The following CCDC88C variants were observed in gnomAD, a reference collection of about 807,000 sequenced individuals.
The protein encoded by CCDC88C is protein Daple.
Under a neutral mutation model 198.8 loss-of-function variants are expected in CCDC88C, and 131 were observed. The observed-to-expected ratio is 0.66, with a 90% CI of 0.57 to 0.76. The LOEUF (loss-of-function observed/expected upper bound fraction) is 0.76. Among genes scored for constraint, CCDC88C ranks in the 30% least tolerant of loss-of-function variants. The pLI is 0.00. For synonymous variants in CCDC88C, 1,166 were observed against 1,114.7 expected, an observed-to-expected ratio of 1.05 and a Z score of -0.92; for missense variants, 2,553 against 2,631.6, an observed-to-expected ratio of 0.97 and a Z score of 0.65.
At chr14:91,401,315 A>AATGTATATAC (rs1886186557) in intron 3 of CCDC88C, among the ~76,000 whole-genome samples, 3 of 101,638 alleles carry the variant, frequency 3.0e-5, no homozygotes, top group African/African-American at 1.0e-4. Context: ...GTATATATTT[A>AATGTATATAC]TTATATATTA....
intron 10 of CCDC88C, 46 bp from the exon 11 acceptor site, chr14:91,326,102 G>C: frequency 6.4e-7 from 1 of 1,561,964 alleles, no homozygotes. Flanking sequence ...AAAGGCACCT[G>C]GGTCATTAGG....
In CCDC88C at chr14:91,381,348, C is replaced by T. The variant is rs943949694; in HGVS notation, c.271-21637G>A. On this transcript the variant is annotated intron_variant, in intron 3 of 29. Transcript: ENST00000389857. The surrounding 1 kb of genome is among the most constrained non-coding windows in gnomAD (Gnocchi z 4.2). ...GGGACACAGATGTGACCAACCAGCC[C>T]GCAAACTTGGGGAGGAATTTTTTGG... Among the ~76,000 whole-genome samples the T allele has an allele frequency of 7.2e-5, 11 of 152,326 alleles. No homozygotes were observed. The highest frequency in any genetic ancestry group is 1.2e-4 in the African/African-American group (5 of 41,568).
chr14:91,343,788 C>T lies in CCDC88C; in HGVS notation c.341-131G>A, dbSNP rs1286305968. On this transcript the variant is annotated intron_variant, in intron 4 of 29. Transcript: ENST00000389857. ...TCTGTGACATTCACTTAGGTATACACACTCCATCGATCTTCCATGTGTGGC... is the reference window on the plus strand; with the variant it reads ...TCTGTGACATTCACTTAGGTATACATACTCCATCGATCTTCCATGTGTGGC... The T allele has an allele frequency of 1.1e-5, 11 of 1,009,942 alleles. No individual in the cohort carries two copies. In the Admixed American group the frequency reaches 1.4e-4, roughly 13 times the overall value. The allele number at this position is 1,009,942 out of a possible 1,614,324, so 62.6% of individuals were successfully genotyped here.
In CCDC88C at chr14:91,393,853, C is replaced by CA. The variant is rs200397529; in HGVS notation, c.270+14805dup. On this transcript the variant is annotated intron_variant, in intron 3 of 29. Transcript: ENST00000389857. ...TGGGCGACAGAGCGAGACTCCGTCTCAAAAAAAAGAAATCAACTTCATGAG... is the reference window on the plus strand; with the variant it reads ...TGGGCGACAGAGCGAGACTCCGTCTCAAAAAAAAAGAAATCAACTTCATGAG... Among the ~76,000 whole-genome samples the CA allele has an allele frequency of 1.4e-3, 212 of 151,978 alleles. 4 individuals carry two copies. The East Asian group carries it at 0.037, about 26-fold the overall frequency.
At chr14:91,345,184 A>ATTTTTTTTT (rs1458769741) in intron 4 of CCDC88C, among the ~76,000 whole-genome samples, 1 of 67,572 alleles carries the variant, frequency 1.5e-5, no homozygotes, top group African/African-American at 5.5e-5. Flanking sequence ...ATATATATAT[A>ATTTTTTTTT]TATATATTTT....
At chr14:91,330,820 C>G (rs1312961782) in intron 10 of CCDC88C, among the ~76,000 whole-genome samples, 1 of 152,048 alleles carries the variant, frequency 6.6e-6, no homozygotes, top group Non-Finnish European at 1.5e-5. Context: ...AGAGCCTCAG[C>G]CAAGGATTAA....
At position 91,352,977 on chromosome 14, in the gene CCDC88C, C is replaced by T. The variant is rs1392915431; in HGVS notation, c.340+6665G>A. On this transcript the variant is annotated intron_variant, in intron 4 of 29. Transcript: ENST00000389857. The surrounding 1 kb of genome is among the most constrained non-coding windows in gnomAD (Gnocchi z 4.2). ...GCACACCCAGCCCTCACAAGTTCCCCGGGGCCCCCGAAGGAAGGCAGGGCT... is the reference window on the plus strand; with the variant it reads ...GCACACCCAGCCCTCACAAGTTCCCTGGGGCCCCCGAAGGAAGGCAGGGCT... Among the ~76,000 whole-genome samples the T allele has an allele frequency of 1.3e-5, 2 of 152,326 alleles. No individual in the cohort carries two copies. The highest frequency in any genetic ancestry group is 1.9e-4 in the East Asian group (1 of 5,184).
intron 22 of CCDC88C, among the ~76,000 whole-genome samples, chr14:91,295,338 C>CAAG (rs1340801971): frequency 6.6e-6 from 1 of 152,208 alleles, no homozygotes; most frequent in Non-Finnish European, 1.5e-5. Flanking sequence ...ATTGCTTGGG[C>CAAG]AAGAATTAAA....
At chr14:91,405,384 C>CA (rs771299039) in intron 3 of CCDC88C, among the ~76,000 whole-genome samples, 2 of 152,184 alleles carry the variant, frequency 1.3e-5, no homozygotes, top group Non-Finnish European at 2.9e-5. Flanking sequence ...CGCAGCACCC[C>CA]AGTCAGAGTA....
chr14:91,367,323 C>A (rs2402020), intron 3 of CCDC88C, among the ~76,000 whole-genome samples: 4,964 of 152,222 alleles, frequency 0.033, 307 homozygotes, highest in African/African-American at 0.11. Flanking sequence ...CCAAGATGGT[C>A]CAAACAGCAA....
At chr14:91,374,360 G>A (rs879879189) in intron 3 of CCDC88C, among the ~76,000 whole-genome samples, 1 of 152,196 alleles carries the variant, frequency 6.6e-6, no homozygotes, top group Non-Finnish European at 1.5e-5. Flanking sequence ...TGATCAATAG[G>A]TATTTTTCAT....
intron 3 of CCDC88C, among the ~76,000 whole-genome samples, chr14:91,399,391 G>C (rs1454365695): frequency 6.6e-6 from 1 of 152,106 alleles, no homozygotes; most frequent in Non-Finnish European, 1.5e-5. Flanking sequence ...CCCACATCTG[G>C]GCTGGATCCC....
chr14:91,278,019 G>A lies in CCDC88C; in HGVS notation c.4961C>T (p.Pro1654Leu). ...CGAGCAGGGCCGCACTCCGACGTAG[G>A]GAGGGGCTGTGCCCCTCTTCTGGGC... is the stretch of plus-strand genomic sequence containing the variant. Reference protein sequence around the residue: ...EGAQKRGTAPPYVGVRPCSAS... With the variant: ...EGAQKRGTAPLYVGVRPCSAS... Residue 1654 changes from proline to leucine, a missense_variant, in exon 29 of 30, where the codon CCC becomes CTC. Transcript: ENST00000389857. The A allele has an allele frequency of 1.3e-6, 2 of 1,599,526 alleles. No homozygotes were observed. Among genetic ancestry groups the A allele is most frequent in the Non-Finnish European group, 1.7e-6 (2 of 1,172,972 alleles).
At chr14:91,309,811 A>C (rs1891735244) in intron 16 of CCDC88C, 48 bp downstream of exon 16, 1 of 1,573,896 alleles carries the variant, frequency 6.4e-7, no homozygotes, top group Non-Finnish European at 8.7e-7. Context: ...CAGACTGAAC[A>C]GTGGAGGAAG....
chr14:91,275,081 T>C (rs1889897382), intron 29 of CCDC88C, among the ~76,000 whole-genome samples: 1 of 152,140 alleles, frequency 6.6e-6, no homozygotes, highest in African/African-American at 2.4e-5. Context: ...AGCCCCTGTG[T>C]ACATTAGGGG....
At chr14:91,321,379 G>T in intron 12 of CCDC88C, 75 bp from the exon 13 acceptor site, 1 of 1,461,788 alleles carries the variant, frequency 6.8e-7, no homozygotes, top group South Asian at 1.2e-5. Flanking sequence ...GCTCCGAGAT[G>T]GTCATCAGTC....
chr14:91,403,182 G>A (rs1270974053), intron 3 of CCDC88C, among the ~76,000 whole-genome samples: 1 of 152,182 alleles, frequency 6.6e-6, no homozygotes, highest in Non-Finnish European at 1.5e-5. Context: ...AGAGGCGCAT[G>A]AAGAAACAGC....
intron 4 of CCDC88C, among the ~76,000 whole-genome samples, chr14:91,353,781 G>A (rs934677399): frequency 1.4e-4 from 22 of 152,218 alleles, no homozygotes; most frequent in African/African-American, 5.1e-4. Flanking sequence ...ATAGGACAGA[G>A]GGCCAGGCCG....
chr14:91,309,169 T>C (rs907947140), intron 16 of CCDC88C, among the ~76,000 whole-genome samples: 15 of 152,152 alleles, frequency 9.9e-5, no homozygotes, highest in South Asian at 4.1e-4. Context: ...GCGGAGGTTT[T>C]CATCACTGAG....
Sources: gnomAD v4.1 joint callset for allele counts (sites outside exome capture counted in the v4.1 genomes callset) on GRCh38, gnomAD v4.1.1 for gene constraint, Gnocchi (gnomAD v3.1) non-coding constraint, MANE v1.5 for transcripts, NCBI Gene and HGNC (gene_info 2026-07-23, HGNC 2026-07-21) for gene names.